Variants in MTUS2 observed in about 807,000 individuals in gnomAD.
MTUS2 encodes the protein microtubule-associated tumor suppressor candidate 2.
A neutral mutation model predicts 114.1 loss-of-function variants in MTUS2; 40 were observed. The ratio of observed to expected loss-of-function variants is 0.35; its 90% CI spans 0.27 to 0.46. The LOEUF (loss-of-function observed/expected upper bound fraction) is 0.46, where lower values mean the gene tolerates loss of function less well. Ranked by LOEUF, MTUS2 falls within the 20% of genes least tolerant of loss-of-function variation. The pLI, the probability that MTUS2 is intolerant of heterozygous loss-of-function variation, is 1.00. For missense variants in MTUS2, 1,679 were observed against 1,705.4 expected (o/e 0.98, Z 0.27); for synonymous variants, 688 against 672.0 (o/e 1.02, Z -0.37).
chr13:29,414,391 C>A (rs1328841124), intron 8 of MTUS2, among the ~76,000 whole-genome samples: 3 of 112,992 alleles, frequency 2.7e-5, no homozygotes, highest in Non-Finnish European at 5.2e-5. Context: ...ACCAGCATGG[C>A]ACATGTATAC....
intron 2 of MTUS2, among the ~76,000 whole-genome samples, chr13:28,995,803 A>C (rs567632366): frequency 2.0e-5 from 3 of 152,176 alleles, no homozygotes; most frequent in Non-Finnish European, 4.4e-5. Context: ...TGGGCTGAGA[A>C]AATGGCGTTT....
chr13:29,075,617 C>G (rs183207713), intron 4 of MTUS2, among the ~76,000 whole-genome samples: 2 of 152,150 alleles, frequency 1.3e-5, no homozygotes, highest in Admixed American at 6.5e-5. Flanking sequence ...CAAAATAAAG[C>G]CTTTCTCTAC....
intron 1 of MTUS2, among the ~76,000 whole-genome samples, chr13:28,832,243 C>T (rs970316556): frequency 6.6e-6 from 1 of 152,050 alleles, no homozygotes; most frequent in African/African-American, 2.4e-5. Flanking sequence ...GTAGGAAATT[C>T]TTTAAAATAG....
intron 5 of MTUS2, among the ~76,000 whole-genome samples, chr13:29,113,826 CCCTA>C (rs1415976486): frequency 6.6e-6 from 1 of 151,988 alleles, no homozygotes; most frequent in African/African-American, 2.4e-5. Context: ...GGATGTGTGT[CCCTA>C]CCTAAATCTC....
intron 14 of MTUS2, among the ~76,000 whole-genome samples, chr13:29,499,013 C>T (rs1464531174): frequency 6.6e-6 from 1 of 152,142 alleles, no homozygotes; most frequent in Non-Finnish European, 1.5e-5. Flanking sequence ...GCAGAAGGGG[C>T]CAGGGATCTC....
chr13:28,919,320 G>A (rs897440116), intron 2 of MTUS2, among the ~76,000 whole-genome samples: 3 of 151,846 alleles, frequency 2.0e-5, no homozygotes, highest in African/African-American at 7.3e-5. Context: ...TGCTTTTTTG[G>A]TGGATATTTT....
intron 8 of MTUS2, among the ~76,000 whole-genome samples, chr13:29,429,631 A>G (rs1358957620): frequency 1.3e-5 from 2 of 152,198 alleles, no homozygotes; most frequent in Non-Finnish European, 2.9e-5. Flanking sequence ...TATGCTTTTA[A>G]TTTCATTACT....
intron 1 of MTUS2, among the ~76,000 whole-genome samples, chr13:28,823,899 G>A (rs1485318061): frequency 6.6e-6 from 1 of 152,094 alleles, no homozygotes; most frequent in East Asian, 1.9e-4. Flanking sequence ...GCAAAAGGGG[G>A]AAAAACACCG....
chr13:29,248,644 C>G (rs1307382353), intron 5 of MTUS2, among the ~76,000 whole-genome samples: 1 of 152,110 alleles, frequency 6.6e-6, no homozygotes, highest in Admixed American at 6.5e-5. Context: ...CCCCCAGCAA[C>G]AGGCACCAGT....
At chr13:29,052,030 A>G (rs971824544) in intron 4 of MTUS2, among the ~76,000 whole-genome samples, 2 of 152,230 alleles carry the variant, frequency 1.3e-5, no homozygotes, top group East Asian at 1.9e-4. Flanking sequence ...ACCTTGGCCC[A>G]AATAGACACA....
intron 5 of MTUS2, among the ~76,000 whole-genome samples, chr13:29,142,208 C>G (rs1015020423): frequency 2.0e-5 from 3 of 151,810 alleles, no homozygotes; most frequent in African/African-American, 4.8e-5. Flanking sequence ...TTTACATACA[C>G]CGATAAATTG....
At chr13:28,949,454 A>T (rs984771974) in intron 2 of MTUS2, among the ~76,000 whole-genome samples, 1 of 152,228 alleles carries the variant, frequency 6.6e-6, no homozygotes, top group Admixed American at 6.5e-5. Flanking sequence ...TGTTTTGAAA[A>T]TATTTTAATT....
chr13:28,905,801 A>G (rs912106717), intron 2 of MTUS2, among the ~76,000 whole-genome samples: 8 of 151,482 alleles, frequency 5.3e-5, no homozygotes, highest in African/African-American at 1.7e-4. Flanking sequence ...CTCTTTTTCT[A>G]TTGATTGGAA....
chr13:29,381,083 C>T (rs1380367183), intron 8 of MTUS2, among the ~76,000 whole-genome samples: 2 of 152,100 alleles, frequency 1.3e-5, no homozygotes, highest in African/African-American at 4.8e-5. Context: ...GTGGAACAAC[C>T]CAAATGAGAC....
chr13:29,118,623 G>A (rs1168477428), intron 5 of MTUS2, among the ~76,000 whole-genome samples: 1 of 152,218 alleles, frequency 6.6e-6, no homozygotes, highest in African/African-American at 2.4e-5. Flanking sequence ...TTAGCAGTGT[G>A]TAGGTACTGG....
chr13:29,047,559 G>A (rs1887684359), intron 4 of MTUS2, among the ~76,000 whole-genome samples: 1 of 149,786 alleles, frequency 6.7e-6, no homozygotes, highest in African/African-American at 2.5e-5. Flanking sequence ...TGTCGCTCAG[G>A]CTGGAGTGCA....
intron 2 of MTUS2, among the ~76,000 whole-genome samples, chr13:28,948,204 T>C (rs1233651911): frequency 1.3e-5 from 2 of 152,186 alleles, no homozygotes; most frequent in African/African-American, 4.8e-5. Context: ...AAGTGTTCAT[T>C]AGCCAGCTGT....
chr13:29,173,435 TA>T (rs910133787), intron 5 of MTUS2, among the ~76,000 whole-genome samples: 24 of 152,212 alleles, frequency 1.6e-4, no homozygotes. Context: ...TATGTGACAC[TA>T]AATATTTTAG....
chr13:29,046,258 G>A lies in MTUS2; in HGVS notation c.2446+12133G>A, dbSNP rs547362807. Reference sequence around the variant, plus strand: ...CTTCCAAGCAGCTGGGACTATAGGCGTGCACCACCATACCTGGCTAATTTT... The same window carrying A: ...CTTCCAAGCAGCTGGGACTATAGGCATGCACCACCATACCTGGCTAATTTT... On this transcript the variant is annotated intron_variant, in intron 4 of 15. Coordinates refer to ENST00000612955, the MANE Select transcript of MTUS2 (RefSeq NM_001033602.4). 2.6e-3 allele frequency among the ~76,000 whole-genome samples: 363 copies of A among 140,930 alleles called. 2 individuals are homozygous for A. The highest frequency in any genetic ancestry group is 8.5e-3 in the African/African-American group (320 of 37,814). The allele number at this position is 140,930 out of a possible 152,430, so 92.5% of individuals were successfully genotyped here.
Sources: allele counts gnomAD v4.1 joint callset (sites outside exome capture counted in the v4.1 genomes callset), GRCh38; gene constraint gnomAD v4.1.1; transcripts MANE v1.5; gene names NCBI Gene and HGNC (gene_info 2026-07-23, HGNC 2026-07-21).